Variants in PCSK5 observed in about 807,000 individuals in gnomAD.
PCSK5 encodes proprotein convertase subtilisin/kexin type 5, also known as prohormone convertase 5.
In PCSK5, 129 loss-of-function variants were observed where a neutral mutation model predicts 233.2. The ratio of observed to expected loss-of-function variants is 0.55; its 90% CI spans 0.48 to 0.64. The LOEUF is 0.64. Ranked by LOEUF, PCSK5 falls within the 30% of genes least tolerant of loss-of-function variation. The probability of loss-of-function intolerance (pLI) is 0.00; values close to 1 mark genes in which losing one functional copy is unlikely to be tolerated. For missense variants in PCSK5, 2,076 were observed against 2,430.1 expected (o/e 0.85, Z 3.06); for synonymous variants, 825 against 879.2 (o/e 0.94, Z 1.09).
chr9:76,197,431 G>A (rs1824746880), intron 20 of PCSK5, among the ~76,000 whole-genome samples: 1 of 152,132 alleles, frequency 6.6e-6, no homozygotes, highest in Admixed American at 6.5e-5. Flanking sequence ...GGTAAAGAAG[G>A]GGAAGTGATT....
At chr9:76,135,866 C>CT (rs1822950257) in intron 10 of PCSK5, among the ~76,000 whole-genome samples, 1 of 151,976 alleles carries the variant, frequency 6.6e-6, no homozygotes, top group Admixed American at 6.6e-5. Flanking sequence ...TTACTTATTC[C>CT]TTTTTGGCAA....
Position 76,233,476 on chromosome 9 carries a change from C to T in PCSK5, c.2746C>T (p.Arg916Cys), listed in dbSNP as rs768894971. The change falls in exon 22 of 38, where the codon CGC (arginine) becomes TGC (cysteine). Residue 916 changes from arginine to cysteine, a missense_variant. Physicochemically the swap from Arg to Cys is radical, Grantham distance 180 (BLOSUM62 -3). Transcript: ENST00000674117. ...CPMTRIFDDG[R>C]CVSNCPSWKF... ...TTCCTCTAGGATTTTTGATGATGGC[C>T]GCTGTGTTTCGAACTGCCCCTCATG... is the stretch of plus-strand genomic sequence containing the variant. The T allele has an allele frequency of 1.9e-5, 30 of 1,612,538 alleles. No homozygotes were observed. The highest frequency in any genetic ancestry group is 6.7e-5 in the African/African-American group (5 of 74,864).
intron 9 of PCSK5, among the ~76,000 whole-genome samples, chr9:76,114,843 A>G (rs1832360724): frequency 6.6e-6 from 1 of 152,130 alleles, no homozygotes; most frequent in Admixed American, 6.6e-5. Context: ...TTCAAGTGTC[A>G]AATGTTGGAA....
chr9:75,912,573 A>G (rs1421748627), intron 1 of PCSK5, among the ~76,000 whole-genome samples: 1 of 152,186 alleles, frequency 6.6e-6, no homozygotes, highest in Non-Finnish European at 1.5e-5. Flanking sequence ...GTGGTCCTGA[A>G]ACAATGCTTT....
At chr9:76,188,462 C>A in intron 17 of PCSK5, 116 bp from the exon 18 acceptor site, 1 of 662,032 alleles carries the variant, frequency 1.5e-6, no homozygotes, top group Non-Finnish European at 2.7e-6. Context: ...TGAAGCTTTG[C>A]CAAATCCACT....
intron 30 of PCSK5, among the ~76,000 whole-genome samples, chr9:76,316,905 A>C (rs556071219): frequency 2.5e-4 from 38 of 152,174 alleles, no homozygotes; most frequent in African/African-American, 8.9e-4. Context: ...GTTTGAGCAA[A>C]GTAGCTGAGT....
chr9:76,143,795 G>C (rs1261953923), intron 10 of PCSK5, among the ~76,000 whole-genome samples: 2 of 151,018 alleles, frequency 1.3e-5, no homozygotes, highest in Non-Finnish European at 2.9e-5. Context: ...CCGGGCAAAG[G>C]GTGTGGTGAG....
chr9:75,930,649 A>C (rs1823745821), intron 1 of PCSK5, among the ~76,000 whole-genome samples: 1 of 152,178 alleles, frequency 6.6e-6, no homozygotes, highest in South Asian at 2.1e-4. Flanking sequence ...GCCTCATTCC[A>C]GCTACTGTGT....
chr9:76,077,895 CAATT>C (rs1830695797), intron 7 of PCSK5, among the ~76,000 whole-genome samples: 1 of 152,256 alleles, frequency 6.6e-6, no homozygotes, highest in African/African-American at 2.4e-5. Flanking sequence ...TTTGGTAGAA[CAATT>C]TATTTGCTTT....
chr9:76,254,137 T>TA (rs1243849612), intron 24 of PCSK5, among the ~76,000 whole-genome samples: 1 of 152,128 alleles, frequency 6.6e-6, no homozygotes, highest in Admixed American at 6.5e-5. Flanking sequence ...ACCTCCTGCT[T>TA]ACGTATTTTT....
At chr9:76,217,969 T>A (rs1046667804) in intron 20 of PCSK5, among the ~76,000 whole-genome samples, 1 of 152,064 alleles carries the variant, frequency 6.6e-6, no homozygotes, top group Non-Finnish European at 1.5e-5. Context: ...TCCACCTCAA[T>A]GAGGTGGGAA....
intron 24 of PCSK5, among the ~76,000 whole-genome samples, chr9:76,246,537 T>C (rs1233399142): frequency 6.6e-6 from 1 of 152,028 alleles, no homozygotes; most frequent in African/African-American, 2.4e-5. Flanking sequence ...CACAACTCCA[T>C]ATGCATTTAC....
intron 1 of PCSK5, among the ~76,000 whole-genome samples, chr9:75,928,596 C>CATATATATATATATAT (rs61537466): frequency 1.6e-4 from 11 of 68,410 alleles, no homozygotes; most frequent in Non-Finnish European, 2.3e-4. Context: ...CATATAAATA[C>CATATATATATATATAT]ATATATATAT....
chr9:75,962,160 GGGAAGACCTCTCTGAGT>G (rs1209396996), intron 2 of PCSK5, among the ~76,000 whole-genome samples: 1 of 152,174 alleles, frequency 6.6e-6, no homozygotes, highest in Non-Finnish European at 1.5e-5. Context: ...AGTGTGGTCA[GGGAAGACCTCTCTGAGT>G]GGAGTTGAGG....
intron 3 of PCSK5, among the ~76,000 whole-genome samples, chr9:76,007,520 A>G (rs1827529911): frequency 6.6e-6 from 1 of 152,166 alleles, no homozygotes; most frequent in Admixed American, 6.5e-5. Context: ...ATATTTTGAT[A>G]CAGTAAGAAT....
At position 76,359,833 on chromosome 9, in the gene PCSK5, C is replaced by G. The variant is rs1167684028; in HGVS notation, c.*911C>G. The G allele has an allele frequency of 6.6e-6, 1 of 152,104 alleles. No individual in the cohort carries two copies. Among genetic ancestry groups the G allele is most frequent in the Non-Finnish European group, 1.5e-5 (1 of 68,028 alleles). The allele number at this position is 152,104 out of a possible 1,614,324, so 9.4% of individuals were successfully genotyped here. ...TTCAGAGCTTTCCTTCATCAACAAC[C>G]CATCACAAAACCGTGGACTCTCAAT... On this transcript the variant is annotated 3_prime_UTR_variant, in exon 38 of 38. Transcript: ENST00000674117.
At chr9:76,314,964 A>ATT (rs570760326) in intron 30 of PCSK5, among the ~76,000 whole-genome samples, 8 of 135,564 alleles carry the variant, frequency 5.9e-5, no homozygotes, top group African/African-American at 2.2e-4. Context: ...ACAGTAACGT[A>ATT]TTTTTTTTTT....
intron 15 of PCSK5, 95 bp downstream of exon 15, chr9:76,179,793 G>C: frequency 1.2e-6 from 1 of 816,538 alleles, no homozygotes. Flanking sequence ...CAGGCCACTG[G>C]CATCTTCCAC....
chr9:76,262,325 C>A (rs1323309088), intron 24 of PCSK5, among the ~76,000 whole-genome samples: 1 of 152,136 alleles, frequency 6.6e-6, no homozygotes, highest in Non-Finnish European at 1.5e-5. Flanking sequence ...CCAAGTCAAT[C>A]CTAAGCCAAA....
Sources: gnomAD v4.1 joint callset for allele counts (sites outside exome capture counted in the v4.1 genomes callset) on GRCh38, gnomAD v4.1.1 for gene constraint, MANE v1.5 for transcripts, NCBI Gene and HGNC (gene_info 2026-07-23, HGNC 2026-07-21) for gene names.